NRG4: variants seen among roughly 807,000 people sequenced by gnomAD.
NRG4 encodes the protein neuregulin 4.
In NRG4, 10 loss-of-function variants were observed where a neutral mutation model predicts 15.0. The observed-to-expected ratio is 0.67, with a 90% CI of 0.41 to 1.13. The LOEUF (loss-of-function observed/expected upper bound fraction) is 1.13. Ranked by LOEUF, NRG4 falls within the 50% of genes most tolerant of loss-of-function variation. The pLI, the probability that NRG4 is intolerant of heterozygous loss-of-function variation, is 0.00. For missense variants in NRG4, 139 were observed against 140.2 expected, an observed-to-expected ratio of 0.99 and a Z score of 0.04; for synonymous variants, 41 against 50.1, an observed-to-expected ratio of 0.82 and a Z score of 0.77.
intron 3 of NRG4, among the ~76,000 whole-genome samples, chr15:75,987,710 G>A (rs1377375595): frequency 6.6e-6 from 1 of 152,190 alleles, no homozygotes; most frequent in African/African-American, 2.4e-5. Context: ...AAGCCATCTT[G>A]TCTATGGTAT....
chr15:75,999,248 A>C (rs994618732), intron 3 of NRG4, among the ~76,000 whole-genome samples: 2 of 152,230 alleles, frequency 1.3e-5, no homozygotes, highest in African/African-American at 2.4e-5. Context: ...CTGACATTAT[A>C]ATGGGAATTA....
chr15:76,011,093 C>A, intron 2 of NRG4, 128 bp downstream of exon 2: 1 of 801,604 alleles, frequency 1.2e-6, no homozygotes, highest in Non-Finnish European at 1.8e-6. Flanking sequence ...ATATTAATTT[C>A]ATATTCACAT....
chr15:76,055,452 T>G (rs957082284), intron 2 of NRG4, among the ~76,000 whole-genome samples: 2 of 152,224 alleles, frequency 1.3e-5, no homozygotes, highest in Non-Finnish European at 2.9e-5. Context: ...TGTGCTACCA[T>G]TGTTTACAAA....
At chr15:75,989,047 G>A (rs565292676) in intron 3 of NRG4, among the ~76,000 whole-genome samples, 1 of 151,816 alleles carries the variant, frequency 6.6e-6, no homozygotes, top group Non-Finnish European at 1.5e-5. Context: ...TTGTAGAGAT[G>A]GGGTCTCACT....
chr15:75,995,451 G>A (rs996432826), intron 3 of NRG4, among the ~76,000 whole-genome samples: 2 of 152,044 alleles, frequency 1.3e-5, no homozygotes, highest in Non-Finnish European at 2.9e-5. Context: ...TCATTACCAT[G>A]AGGAGGGCAC....
chr15:75,988,447 A>C (rs113487914), intron 3 of NRG4, among the ~76,000 whole-genome samples: 2,314 of 152,312 alleles, frequency 0.015, 56 homozygotes, highest in African/African-American at 0.052. Context: ...TCGGCCTCCC[A>C]AACTGCTGGG....
In NRG4 at chr15:76,011,290, A is replaced by T; in HGVS notation, c.-56-4T>A. 4.5e-6 allele frequency: 6 copies of T among 1,319,778 alleles called. No individual in the cohort carries two copies. Among genetic ancestry groups the T allele is most frequent in the Non-Finnish European group, 5.9e-6 (6 of 1,011,584 alleles). The allele number at this position is 1,319,778 out of a possible 1,614,324, so 81.8% of individuals were successfully genotyped here. The stretch of plus-strand genomic sequence containing the variant: ...GAGTAGGGTTGAAAAACAGTACCTA[A>T]AACGGTTTAAAAAGTAATAATTCAG... On this transcript the variant is annotated splice_region_variant and splice_polypyrimidine_tract_variant and intron_variant, in intron 1 of 5. Transcript: ENST00000394907.
chr15:76,014,699 CTA>C (rs1476104787), upstream of NRG4, among the ~76,000 whole-genome samples: 21 of 152,060 alleles, frequency 1.4e-4, no homozygotes, highest in African/African-American at 5.1e-4. Context: ...TTCCATTGGT[CTA>C]TATGTCTGTT....
chr15:75,950,755 C>G (rs2031831631), intron 5 of NRG4: 1 of 153,422 alleles, frequency 6.5e-6, no homozygotes, highest in Admixed American at 6.5e-5. Flanking sequence ...AACAGGAATG[C>G]CATGGAATAA....
At chr15:75,940,064 T>C (rs188178010), downstream of NRG4, 1 of 150,884 alleles carries the variant, frequency 6.6e-6, no homozygotes, top group Admixed American at 6.6e-5. Flanking sequence ...TAAAATCCTA[T>C]ATGTTCACAA....
intron 2 of NRG4, 80 bp downstream of exon 2, chr15:76,011,141 G>A (rs1487165830): frequency 5.3e-6 from 6 of 1,137,676 alleles, no homozygotes; most frequent in Non-Finnish European, 7.0e-6. Context: ...ATACAGCCTT[G>A]TGTTAATATA....
intron 3 of NRG4, among the ~76,000 whole-genome samples, chr15:75,975,828 G>C (rs550809254): frequency 6.6e-6 from 1 of 152,076 alleles, no homozygotes; most frequent in Admixed American, 6.5e-5. Flanking sequence ...ACAATTATGT[G>C]TCTTGGGGTT....
intron 5 of NRG4, among the ~76,000 whole-genome samples, chr15:75,948,782 GCTCAT>G (rs2031696579): frequency 6.6e-6 from 1 of 151,548 alleles, no homozygotes; most frequent in African/African-American, 2.4e-5. Flanking sequence ...GAGCACAGTG[GCTCAT>G]GCCTGTAATC....
At position 76,028,717 on chromosome 15, in the gene NRG4, T is replaced by C. The variant is rs145420880; in HGVS notation, c.-57+7227A>G. The stretch of plus-strand genomic sequence containing the variant: ...GAGTTTGAGACCAGCCTGGCCAATG[T>C]AGTGAATTCCCCTCTCTATTAAAAA... On this transcript the variant is annotated intron_variant, in intron 5 of 8. Coordinates refer to the NRG4 transcript ENST00000563910. Among the ~76,000 whole-genome samples the C allele has an allele frequency of 8.7e-3, 1,328 of 151,818 alleles. 20 individuals carry two copies. The highest frequency in any genetic ancestry group is 0.03 in the African/African-American group (1,245 of 41,384).
chr15:75,998,375 G>C (rs573021951), intron 3 of NRG4, among the ~76,000 whole-genome samples: 1 of 152,268 alleles, frequency 6.6e-6, no homozygotes, highest in East Asian at 1.9e-4. Flanking sequence ...AGGCATCATT[G>C]AAAGATTGAT....
chr15:75,949,262 C>A (rs1392212134), intron 5 of NRG4, among the ~76,000 whole-genome samples: 1 of 152,032 alleles, frequency 6.6e-6, no homozygotes, highest in African/African-American at 2.4e-5. Flanking sequence ...ATACAAAACA[C>A]TAGCCAGGTG....
At chr15:75,955,816 G>C (rs1021856209) in intron 5 of NRG4, 116 bp downstream of exon 5, 3 of 329,378 alleles carry the variant, frequency 9.1e-6, no homozygotes, top group Admixed American at 9.4e-5. Flanking sequence ...AAAACCCATA[G>C]AAAAGTTTAG....
At chr15:76,019,789 G>A (rs2035097668) in intron 5 of NRG4, among the ~76,000 whole-genome samples, 2 of 151,920 alleles carry the variant, frequency 1.3e-5, no homozygotes, top group Non-Finnish European at 2.9e-5. Context: ...GTTCCTATTC[G>A]GCCATCTTGC....
chr15:76,031,377 T>C, intron 5 of NRG4, among the ~76,000 whole-genome samples: 1 of 152,020 alleles, frequency 6.6e-6, no homozygotes, highest in Non-Finnish European at 1.5e-5. Context: ...ATTAGGACAA[T>C]AAAAAGAAAT....
Sources: allele counts gnomAD v4.1 joint callset (sites outside exome capture counted in the v4.1 genomes callset), GRCh38; gene constraint gnomAD v4.1.1; transcripts MANE v1.5; gene names NCBI Gene and HGNC (gene_info 2026-07-23, HGNC 2026-07-21).